CEP128: variants seen among roughly 807,000 people sequenced by gnomAD.
The protein encoded by CEP128 is centrosomal protein 128.
CEP128 carries 132 observed loss-of-function variants against 156.7 expected under a neutral mutation model. The ratio of observed to expected loss-of-function variants is 0.84; its 90% CI spans 0.73 to 0.97. CEP128 has a LOEUF of 0.97. Ranked by LOEUF, CEP128 falls within the 50% of genes least tolerant of loss-of-function variation. The pLI is 0.00. For missense variants in CEP128, 1,252 were observed against 1,281.9 expected, an observed-to-expected ratio of 0.98 and a Z score of 0.36; for synonymous variants, 469 against 448.9, an observed-to-expected ratio of 1.04 and a Z score of -0.57.
At chr14:80,946,268 T>C (rs2139650611), upstream of CEP128, among the ~76,000 whole-genome samples, 1 of 150,712 alleles carries the variant, frequency 6.6e-6, no homozygotes, top group East Asian at 1.9e-4. Flanking sequence ...TACTCTATTA[T>C]TTTGTTCTAG....
chr14:80,788,833 G>A (rs564793291), intron 14 of CEP128, among the ~76,000 whole-genome samples: 1 of 152,066 alleles, frequency 6.6e-6, no homozygotes, highest in African/African-American at 2.4e-5. Context: ...TCTGCTGAGG[G>A]TAAGAGAAAA....
downstream of CEP128, among the ~76,000 whole-genome samples, chr14:80,486,724 TAAAGA>T (rs1476347103): frequency 1.3e-5 from 2 of 152,106 alleles, no homozygotes; most frequent in African/African-American, 4.8e-5. Flanking sequence ...TCAACATTCT[TAAAGA>T]AAAGAATTTT....
intron 2 of CEP128, chr14:80,955,262 G>C (rs1886594126): frequency 2.9e-6 from 1 of 348,734 alleles, no homozygotes; most frequent in Non-Finnish European, 5.5e-6. Context: ...TACACGCTAG[G>C]GAAGGTGGCT....
Position 80,687,683 on chromosome 14 carries a change from C to T in CEP128, c.2806+55392G>A, listed in dbSNP as rs529696666. 8.5e-5 allele frequency among the ~76,000 whole-genome samples: 13 copies of T among 152,156 alleles called. 1 individual carries two copies. Among genetic ancestry groups the T allele is most frequent in the African/African-American group, 2.4e-4 (10 of 41,528 alleles). ...TCATATCCCAAACGTCAGCATCATG[C>T]AATATAGCCATGCAATAAAAGGGCA... On this transcript the variant is annotated intron_variant, in intron 19 of 24. Transcript: ENST00000555265.
chr14:80,511,923 C>T (rs1888277282), intron 23 of CEP128, among the ~76,000 whole-genome samples: 1 of 151,876 alleles, frequency 6.6e-6, no homozygotes, highest in East Asian at 1.9e-4. Flanking sequence ...GTTTTATTCC[C>T]TTGCAGTCAG....
intron 19 of CEP128, among the ~76,000 whole-genome samples, chr14:80,742,199 G>A (rs61979422): frequency 0.11 from 16,589 of 152,112 alleles, 1,373 homozygotes; most frequent in East Asian, 0.44. Context: ...ACAAAAGTTT[G>A]GGCCTTCACA....
chr14:80,714,325 TAC>T (rs1475510550), intron 19 of CEP128, among the ~76,000 whole-genome samples: 1 of 151,682 alleles, frequency 6.6e-6, no homozygotes, highest in African/African-American at 2.4e-5. Context: ...CACACACACA[TAC>T]ACACACACTT....
chr14:80,550,132 A>G (rs1461516277), intron 21 of CEP128, among the ~76,000 whole-genome samples: 2 of 152,156 alleles, frequency 1.3e-5, no homozygotes, highest in African/African-American at 2.4e-5. Flanking sequence ...TAGGCATTTG[A>G]GTATATATTT....
At chr14:80,624,711 T>C (rs112051543) in intron 19 of CEP128, among the ~76,000 whole-genome samples, 31 of 152,296 alleles carry the variant, frequency 2.0e-4, no homozygotes, top group African/African-American at 7.0e-4. Flanking sequence ...TATTGGCTTC[T>C]TGTGTGTCTT....
chr14:80,543,059 T>C (rs1032920664), intron 21 of CEP128, among the ~76,000 whole-genome samples: 27 of 152,180 alleles, frequency 1.8e-4, no homozygotes, highest in Non-Finnish European at 3.4e-4. Flanking sequence ...AATCCTCCTA[T>C]ATGGATGAAT....
chr14:80,942,069 T>C (rs1334600820), upstream of CEP128, among the ~76,000 whole-genome samples: 5 of 149,446 alleles, frequency 3.3e-5, no homozygotes, highest in Non-Finnish European at 4.5e-5. Flanking sequence ...ACAAAAGGAG[T>C]CCCCCAGGAC....
At chr14:80,677,180 T>C (rs1896096526) in intron 19 of CEP128, among the ~76,000 whole-genome samples, 1 of 152,182 alleles carries the variant, frequency 6.6e-6, no homozygotes, top group South Asian at 2.1e-4. Flanking sequence ...CTGCTTCTTG[T>C]CTTCATAACC....
At chr14:80,690,751 C>G (rs1347665475) in intron 19 of CEP128, among the ~76,000 whole-genome samples, 2 of 152,174 alleles carry the variant, frequency 1.3e-5, no homozygotes, top group Non-Finnish European at 2.9e-5. Context: ...ACTCCCCTTA[C>G]TGAATGACAT....
At chr14:80,830,955 G>T in intron 13 of CEP128, 188 bp downstream of exon 13, 1 of 537,328 alleles carries the variant, frequency 1.9e-6, no homozygotes. Flanking sequence ...TTGGGGTCCT[G>T]AATGAAAGAG....
At chr14:80,665,801 G>C (rs770587322) in intron 19 of CEP128, among the ~76,000 whole-genome samples, 6 of 151,938 alleles carry the variant, frequency 3.9e-5, no homozygotes, top group Non-Finnish European at 7.4e-5. Context: ...TCTGCTTCAG[G>C]TCTAAACTCA....
intron 9 of CEP128, among the ~76,000 whole-genome samples, chr14:80,843,788 T>C (rs1341411330): frequency 2.6e-5 from 4 of 152,048 alleles, no homozygotes; most frequent in African/African-American, 4.8e-5. Context: ...AAACTCAATA[T>C]TAAGTACTGA....
chr14:80,846,447 T>C (rs1337085676), intron 9 of CEP128, among the ~76,000 whole-genome samples: 1 of 98,790 alleles, frequency 1.0e-5, no homozygotes, highest in Non-Finnish European at 2.2e-5. Flanking sequence ...AAAGAAGAGA[T>C]AAAAGAAGAA....
intron 2 of CEP128, among the ~76,000 whole-genome samples, chr14:80,934,354 C>T (rs117128935): frequency 0.015 from 2,282 of 152,236 alleles, 33 homozygotes; most frequent in African/African-American, 0.025. Flanking sequence ...TAAAGGTCAA[C>T]AGGAAATGTT....
At chr14:80,780,294 A>G (rs1901035297) in intron 15 of CEP128, among the ~76,000 whole-genome samples, 1 of 152,186 alleles carries the variant, frequency 6.6e-6, no homozygotes, top group South Asian at 2.1e-4. Flanking sequence ...AATTCAGTAT[A>G]TTACATCTCC....
Sources: gnomAD v4.1 joint callset for allele counts (sites outside exome capture counted in the v4.1 genomes callset) on GRCh38, gnomAD v4.1.1 for gene constraint, MANE v1.5 for transcripts, NCBI Gene and HGNC (gene_info 2026-07-23, HGNC 2026-07-21) for gene names.